The following GLIS3 variants were observed in gnomAD, a reference collection of about 807,000 sequenced individuals.
GLIS3 encodes zinc finger protein GLIS3.
A neutral mutation model predicts 78.6 loss-of-function variants in GLIS3; 53 were observed. The ratio of observed to expected loss-of-function variants is 0.67; its 90% CI spans 0.54 to 0.85. The LOEUF (loss-of-function observed/expected upper bound fraction) is 0.85, where lower values mean the gene tolerates loss of function less well. Among genes scored for constraint, GLIS3 ranks in the 40% least tolerant of loss-of-function variants. GLIS3 has a pLI of 0.00. For synonymous variants in GLIS3, 684 were observed against 509.9 expected (o/e 1.34, Z -4.60); for missense variants, 1,703 against 1,231.1 (o/e 1.38, Z -5.74).
At chr9:4,053,884 G>C (rs1448532131) in intron 4 of GLIS3, among the ~76,000 whole-genome samples, 1 of 151,998 alleles carries the variant, frequency 6.6e-6, no homozygotes, top group South Asian at 2.1e-4. Flanking sequence ...ATCAAACACG[G>C]CAATCTGTTG....
chr9:4,474,425 C>T, the GLIS3 span, among the ~76,000 whole-genome samples: 5 of 152,274 alleles, frequency 3.3e-5, no homozygotes, highest in East Asian at 5.8e-4. Context: ...CACACATATA[C>T]ATATGCCAAA....
intron 2 of GLIS3, among the ~76,000 whole-genome samples, chr9:4,319,724 C>T (rs1817494630): frequency 6.6e-6 from 1 of 152,080 alleles, no homozygotes; most frequent in Admixed American, 6.6e-5. Flanking sequence ...GAGACAGGGT[C>T]TCACTATGTT....
chr9:4,424,244 C>T, the GLIS3 span, among the ~76,000 whole-genome samples: 1 of 152,052 alleles, frequency 6.6e-6, no homozygotes, highest in East Asian at 1.9e-4. Flanking sequence ...TAGCTCTGCC[C>T]CTGATTTTCT....
chr9:4,458,282 C>T, the GLIS3 span, among the ~76,000 whole-genome samples: 2 of 152,200 alleles, frequency 1.3e-5, no homozygotes, highest in Admixed American at 6.5e-5. Flanking sequence ...GCATGGCATG[C>T]ATTGTTCTAG....
chr9:4,042,659 C>A (rs1824918674), intron 4 of GLIS3, among the ~76,000 whole-genome samples: 1 of 152,096 alleles, frequency 6.6e-6, no homozygotes, highest in African/African-American at 2.4e-5. Flanking sequence ...TAATTAACAT[C>A]ATGCTGCAAA....
the GLIS3 span, among the ~76,000 whole-genome samples, chr9:4,393,756 A>G: frequency 3.2e-4 from 49 of 152,166 alleles, no homozygotes; most frequent in Admixed American, 4.6e-4. Flanking sequence ...TGCGTACATC[A>G]TATCAGGAGG....
chr9:4,440,059 T>A, the GLIS3 span, among the ~76,000 whole-genome samples: 1 of 152,192 alleles, frequency 6.6e-6, no homozygotes, highest in Non-Finnish European at 1.5e-5. Context: ...TGCTATTGAG[T>A]TGTTTGAGTT....
At chr9:3,919,161 C>T (rs1201698537) in intron 6 of GLIS3, among the ~76,000 whole-genome samples, 3 of 152,088 alleles carry the variant, frequency 2.0e-5, no homozygotes, top group Admixed American at 6.5e-5. Flanking sequence ...GGAAAATCTA[C>T]CACCATCTCT....
intron 4 of GLIS3, among the ~76,000 whole-genome samples, chr9:4,101,769 T>C (rs1327494370): frequency 1.3e-5 from 2 of 151,430 alleles, no homozygotes; most frequent in East Asian, 1.9e-4. Context: ...GCTTTTCTTA[T>C]CAAAGTTGGG....
At chr9:4,240,515 C>T (rs1823200558) in intron 2 of GLIS3, among the ~76,000 whole-genome samples, 1 of 151,240 alleles carries the variant, frequency 6.6e-6, no homozygotes, top group South Asian at 2.1e-4. Flanking sequence ...GATTTTCTCT[C>T]CAAAAAAAAA....
chr9:3,892,273 A>C (rs999994294), intron 7 of GLIS3, among the ~76,000 whole-genome samples: 2 of 152,196 alleles, frequency 1.3e-5, no homozygotes, highest in Non-Finnish European at 2.9e-5. Context: ...CTGGAAATTT[A>C]GGTAGAAAAA....
At chr9:4,332,755 T>C (rs7870100) in intron 2 of GLIS3, among the ~76,000 whole-genome samples, 115,345 of 151,694 alleles carry the variant, frequency 0.76, 44,034 homozygotes, top group South Asian at 0.83. Flanking sequence ...TTGATACAGA[T>C]TAAATTTGAT....
the GLIS3 span, among the ~76,000 whole-genome samples, chr9:4,471,950 G>A: frequency 6.6e-6 from 1 of 152,116 alleles, no homozygotes; most frequent in African/African-American, 2.4e-5. Context: ...GGCAAAGGAT[G>A]TGAACAGACA....
the GLIS3 span, among the ~76,000 whole-genome samples, chr9:4,364,042 G>C: frequency 6.6e-6 from 1 of 152,182 alleles, no homozygotes; most frequent in Non-Finnish European, 1.5e-5. Context: ...AATCCCTATA[G>C]AGACTTATCT....
chr9:3,877,979 C>A (rs1364478329), intron 8 of GLIS3, among the ~76,000 whole-genome samples: 1 of 152,184 alleles, frequency 6.6e-6, no homozygotes, highest in Non-Finnish European at 1.5e-5. Context: ...ATACACAATT[C>A]CCACATAAGC....
intron 2 of GLIS3, among the ~76,000 whole-genome samples, chr9:4,332,856 A>C (rs904844739): frequency 6.6e-6 from 1 of 152,194 alleles, no homozygotes; most frequent in Non-Finnish European, 1.5e-5. Flanking sequence ...TCTGAACCTT[A>C]TACATGATAG....
At chr9:4,143,623 A>G (rs1833983445) in intron 2 of GLIS3, among the ~76,000 whole-genome samples, 2 of 152,296 alleles carry the variant, frequency 1.3e-5, no homozygotes, top group South Asian at 4.1e-4. Context: ...GGTAAACAAT[A>G]CAGTATTGTC....
chr9:4,303,220 A>G (rs1313598207), upstream of GLIS3, among the ~76,000 whole-genome samples: 1 of 151,944 alleles, frequency 6.6e-6, no homozygotes, highest in Admixed American at 6.6e-5. Flanking sequence ...AATACAGATA[A>G]GTTGAGCTAA....
At chr9:4,344,441 G>A (rs1172476027) in intron 2 of GLIS3, among the ~76,000 whole-genome samples, 1 of 152,158 alleles carries the variant, frequency 6.6e-6, no homozygotes, top group Non-Finnish European at 1.5e-5. Flanking sequence ...GGAAATCCTG[G>A]TTTTCTTCTG....
Sources: gnomAD v4.1 joint callset for allele counts (sites outside exome capture counted in the v4.1 genomes callset) on GRCh38, gnomAD v4.1.1 for gene constraint, MANE v1.5 for transcripts, NCBI Gene and HGNC (gene_info 2026-07-23, HGNC 2026-07-21) for gene names.